WDR25: variants seen among roughly 807,000 people sequenced by gnomAD.
WDR25 encodes WD repeat-containing protein 25.
WDR25 carries 35 observed loss-of-function variants against 47.7 expected under a neutral mutation model. The ratio of observed to expected loss-of-function variants is 0.73; its 90% confidence interval spans 0.56 to 0.97. WDR25 has a LOEUF of 0.97. Among genes scored for constraint, WDR25 ranks in the 50% least tolerant of loss-of-function variants. The pLI is 0.00. For synonymous variants in WDR25, 248 were observed against 278.9 expected, an observed-to-expected ratio of 0.89 and a Z score of 1.10; for missense variants, 634 against 704.7, an observed-to-expected ratio of 0.90 and a Z score of 1.14.
chr14:100,468,020 G>T lies in WDR25; in HGVS notation c.823-1G>T, dbSNP rs754125168. ...CTGGTGCTGTCTGTGTTTGCCTGCA[G>T]GTATGGAACGCCGTGGACTCCGGGC... is the stretch of plus-strand genomic sequence containing the variant. On this transcript the variant is annotated splice_acceptor_variant, in intron 2 of 6. Transcript: ENST00000402312. LOFTEE classifies it high-confidence loss of function. The surrounding 1 kb of genome is among the most constrained non-coding windows in gnomAD (Gnocchi z 4.5). 2.5e-6 allele frequency: 4 copies of T among 1,612,610 alleles called. No individual in the cohort carries two copies. The Admixed American group carries it at 6.7e-5, about 27-fold the overall frequency.
intron 4 of WDR25, among the ~76,000 whole-genome samples, chr14:100,497,186 T>G (rs1024959308): frequency 1.3e-5 from 2 of 152,248 alleles, no homozygotes; most frequent in Non-Finnish European, 2.9e-5. Flanking sequence ...ATGTTCCATA[T>G]GCTCCGTGCA....
intron 2 of WDR25, among the ~76,000 whole-genome samples, chr14:100,396,255 C>T (rs1030650337): frequency 1.3e-5 from 2 of 152,124 alleles, no homozygotes; most frequent in African/African-American, 4.8e-5. Context: ...GGATTACAGG[C>T]GTGAACCACT....
Position 100,468,205 on chromosome 14 carries a change from C to A in WDR25, c.970+37C>A. ...GTGTCACCTCCCTGAGGTGAGCTGG[C>A]AGCTCTCTCCCTGGGGAAGGTTCTC... On this transcript the variant is annotated intron_variant, in intron 3 of 6. Coordinates refer to ENST00000402312, the MANE Select transcript of WDR25 (RefSeq NM_001161476.3). This position sits in a 1 kb window ranked among gnomAD's most constrained non-coding sequence, Gnocchi z 4.5. 1 of 1,591,180 alleles carries A rather than the reference C, an allele frequency of 6.3e-7. No homozygotes were observed. The highest frequency in any genetic ancestry group is 8.6e-7 in the Non-Finnish European group (1 of 1,167,740).
intron 2 of WDR25, among the ~76,000 whole-genome samples, chr14:100,442,789 A>G (rs1898709487): frequency 6.6e-6 from 1 of 152,196 alleles, no homozygotes; most frequent in African/African-American, 2.4e-5. Context: ...CATTCTATTT[A>G]ATAACATTTC....
In WDR25 at chr14:100,381,085, C is replaced by T. The variant is rs745353373; in HGVS notation, c.161C>T (p.Thr54Ile). 22 of 1,614,126 alleles carry T rather than the reference C, an allele frequency of 1.4e-5. No homozygotes were observed. The highest frequency in any genetic ancestry group is 1.7e-5 in the Non-Finnish European group (20 of 1,180,056). The change falls in exon 2 of 7, where the codon ACA (threonine) becomes ATA (isoleucine). Residue 54 changes from threonine (T) to isoleucine (I), a missense_variant. Transcript: ENST00000402312. ...CCTGGGCAGGATTTTGCATCTGGTACACTGGATGTGCCCAAAGCAGGGGCA... is the reference window on the plus strand; with the variant it reads ...CCTGGGCAGGATTTTGCATCTGGTATACTGGATGTGCCCAAAGCAGGGGCA... ...RPPGQDFASG[T>I]LDVPKAGAQP...
intron 3 of WDR25, chr14:100,481,162 C>T (rs1566930851): frequency 4.5e-6 from 2 of 446,506 alleles, no homozygotes; most frequent in South Asian, 1.7e-5. Context: ...GAAAACAGGC[C>T]AAAGTGGTTA....
intron 2 of WDR25, among the ~76,000 whole-genome samples, chr14:100,422,385 C>G (rs1345888332): frequency 6.6e-6 from 1 of 152,196 alleles, no homozygotes; most frequent in Non-Finnish European, 1.5e-5. Flanking sequence ...GTGACCCAGC[C>G]TCAAAGGCAG....
In WDR25 at chr14:100,506,495, T is replaced by C. The variant is rs539474183; in HGVS notation, c.1102-19375T>C. Among the ~76,000 whole-genome samples the C allele has an allele frequency of 6.6e-6, 1 of 152,332 alleles. No individual in the cohort carries two copies. Among genetic ancestry groups the C allele is most frequent in the East Asian group, 1.9e-4 (1 of 5,190 alleles). On this transcript the variant is annotated intron_variant, in intron 4 of 6. Coordinates refer to ENST00000402312, the MANE Select transcript of WDR25 (RefSeq NM_001161476.3). The surrounding 1 kb of genome is among the most constrained non-coding windows in gnomAD (Gnocchi z 4.8). Reference sequence around the variant, plus strand: ...TTCTTTGAGAAACCTCCAAACTGCTTTCCACAATGGCTGAAATAACTTACA... The same window carrying C: ...TTCTTTGAGAAACCTCCAAACTGCTCTCCACAATGGCTGAAATAACTTACA...
chr14:100,530,021 G>T lies in WDR25; in HGVS notation c.1615G>T (p.Asp539Tyr). 1 of 1,612,542 alleles carries T rather than the reference G, an allele frequency of 6.2e-7. No homozygotes were observed. The highest frequency in any genetic ancestry group is 8.5e-7 in the Non-Finnish European group (1 of 1,179,478). Residue 539 changes from aspartate to tyrosine, a missense_variant, in exon 7 of 7, where the codon GAC becomes TAC. Coordinates refer to ENST00000402312, the MANE Select transcript of WDR25 (RefSeq NM_001161476.3). ...CCTCGCCACCTGCTCCTGGGGAGGG[G>T]ACATGAAGATCTGGCACTGAGCTTT... ...SVLATCSWGG[D>Y]MKIWH
At chr14:100,432,819 TGTG>T (rs1898378796) in intron 2 of WDR25, among the ~76,000 whole-genome samples, 1 of 152,244 alleles carries the variant, frequency 6.6e-6, no homozygotes, top group East Asian at 1.9e-4. Context: ...TAGACAGTGT[TGTG>T]GTGGGAACAC....
At chr14:100,482,247 C>T (rs1304498938) in intron 3 of WDR25, among the ~76,000 whole-genome samples, 1 of 152,092 alleles carries the variant, frequency 6.6e-6, no homozygotes, top group Non-Finnish European at 1.5e-5. Flanking sequence ...AACTGAATCA[C>T]AAAAAGTTCC....
At chr14:100,463,557 C>A (rs1321322968) in intron 2 of WDR25, among the ~76,000 whole-genome samples, 1 of 152,196 alleles carries the variant, frequency 6.6e-6, no homozygotes, top group African/African-American at 2.4e-5. Context: ...TCTGTCCTGT[C>A]TGCACTTGCT....
intron 4 of WDR25, among the ~76,000 whole-genome samples, chr14:100,503,101 G>A (rs1420888967): frequency 2.0e-5 from 3 of 151,822 alleles, no homozygotes; most frequent in Admixed American, 6.6e-5. Context: ...AGGAGAGTTA[G>A]GAAACAAGGT....
chr14:100,497,392 C>A (rs1433131558), intron 4 of WDR25, among the ~76,000 whole-genome samples: 1 of 152,032 alleles, frequency 6.6e-6, no homozygotes, highest in African/African-American at 2.4e-5. Flanking sequence ...TTTTTTGCTT[C>A]ATATACTTTG....
rs752299944 is a variant in WDR25, at chr14:100,525,835, A to G, written c.1102-35A>G. 9 of 1,607,040 alleles carry G rather than the reference A, an allele frequency of 5.6e-6. No individual in the cohort carries two copies. Among genetic ancestry groups the G allele is most frequent in the African/African-American group, 1.3e-5 (1 of 74,688 alleles). The stretch of plus-strand genomic sequence containing the variant: ...TGCATAGGCGCCTGTCCGTGCTGCC[A>G]GGCCTGCCAGCATGACCGGTGTCCG... On this transcript the variant is annotated intron_variant, in intron 4 of 6. Coordinates refer to ENST00000402312, the MANE Select transcript of WDR25 (RefSeq NM_001161476.3). The surrounding 1 kb of genome is among the most constrained non-coding windows in gnomAD (Gnocchi z 4.6).
At chr14:100,432,708 C>T (rs1380262115) in intron 2 of WDR25, among the ~76,000 whole-genome samples, 1 of 152,210 alleles carries the variant, frequency 6.6e-6, no homozygotes, top group African/African-American at 2.4e-5. Context: ...AAGAAATTCT[C>T]TTATATAGTC....
intron 2 of WDR25, among the ~76,000 whole-genome samples, chr14:100,384,641 C>G (rs1896979187): frequency 6.6e-6 from 1 of 152,084 alleles, no homozygotes; most frequent in South Asian, 2.1e-4. Context: ...GGGGATAGGG[C>G]CTCGGGCACA....
Position 100,381,576 on chromosome 14 carries a change from T to G in WDR25, c.652T>G (p.Ser218Ala). Reference sequence around the variant, plus strand: ...CCCTCTCTACGTGGGCCCGGGAGTGTCTGAGTTTATTCAGCCATATTTGAA... The same window carrying G: ...CCCTCTCTACGTGGGCCCGGGAGTGGCTGAGTTTATTCAGCCATATTTGAA... ...PAPLYVGPGV[S>A]EFIQPYLNSH... The change falls in exon 2 of 7, where the codon TCT becomes GCT. Residue 218 changes from serine to alanine, a missense_variant. Coordinates refer to ENST00000402312, the MANE Select transcript of WDR25 (RefSeq NM_001161476.3). 1 of 1,609,414 alleles carries G rather than the reference T, an allele frequency of 6.2e-7. No homozygotes were observed.
At chr14:100,414,704 A>G (rs575340265) in intron 2 of WDR25, among the ~76,000 whole-genome samples, 1 of 152,136 alleles carries the variant, frequency 6.6e-6, no homozygotes, top group African/African-American at 2.4e-5. Context: ...CTGCAGGCTC[A>G]TATGGTAATT....
Sources: allele counts gnomAD v4.1 joint callset (sites outside exome capture counted in the v4.1 genomes callset), GRCh38; gene constraint gnomAD v4.1.1; non-coding constraint Gnocchi (gnomAD v3.1); transcripts MANE v1.5; gene names NCBI Gene and HGNC (gene_info 2026-07-23, HGNC 2026-07-21).